ADGRD1: variants seen among roughly 807,000 people sequenced by gnomAD.
The protein encoded by ADGRD1 is G-protein coupled receptor 133.
ADGRD1 carries 77 observed loss-of-function variants against 113.4 expected under a neutral mutation model. The ratio of observed to expected loss-of-function variants is 0.68; its 90% confidence interval spans 0.57 to 0.82. The LOEUF (loss-of-function observed/expected upper bound fraction) is 0.82, where lower values mean the gene tolerates loss of function less well. ADGRD1 is among the 40% of genes least tolerant of loss of function. ADGRD1 has a pLI of 0.00. For missense variants in ADGRD1, 1,036 were observed against 1,139.1 expected (o/e 0.91, Z 1.30); for synonymous variants, 474 against 475.0 (o/e 1.00, Z 0.03).
chr12:130,999,332 C>A (rs967316097), intron 8 of ADGRD1, among the ~76,000 whole-genome samples: 1 of 152,226 alleles, frequency 6.6e-6, no homozygotes, highest in Admixed American at 6.5e-5. Flanking sequence ...GACCTCGTTC[C>A]TGTGTGACAC....
intron 13 of ADGRD1, among the ~76,000 whole-genome samples, chr12:131,030,936 C>G (rs554832141): frequency 5.4e-4 from 82 of 152,220 alleles, no homozygotes; most frequent in Admixed American, 1.5e-3. Flanking sequence ...ACAGCCACCT[C>G]TGTCACAATG....
intron 12 of ADGRD1, among the ~76,000 whole-genome samples, chr12:131,012,012 G>A (rs964137521): frequency 6.6e-6 from 1 of 152,196 alleles, no homozygotes; most frequent in Non-Finnish European, 1.5e-5. Context: ...TTCTGCGGTG[G>A]GGACTGAGCC....
At chr12:130,957,214 CCA>C (rs1869729116) in intron 2 of ADGRD1, 1 of 152,390 alleles carries the variant, frequency 6.6e-6, no homozygotes, top group African/African-American at 2.4e-5. Context: ...CCACACATAT[CCA>C]CGTGTCTACA....
chr12:131,044,907 C>G (rs915840102), intron 13 of ADGRD1, among the ~76,000 whole-genome samples: 2 of 152,244 alleles, frequency 1.3e-5, no homozygotes, highest in African/African-American at 4.8e-5. Context: ...GTGGCTGCGC[C>G]GCGGTTCGTG....
chr12:131,008,390 C>T (rs1159296124), intron 12 of ADGRD1, among the ~76,000 whole-genome samples: 7 of 152,344 alleles, frequency 4.6e-5, no homozygotes, highest in East Asian at 1.9e-4. Flanking sequence ...CTCATACATC[C>T]GCAGTGTGTT....
At chr12:131,042,230 C>T (rs1424965676) in intron 13 of ADGRD1, among the ~76,000 whole-genome samples, 1 of 152,212 alleles carries the variant, frequency 6.6e-6, no homozygotes, top group African/African-American at 2.4e-5. Flanking sequence ...AAGTGCTGAA[C>T]AGGCCAAACC....
intron 8 of ADGRD1, among the ~76,000 whole-genome samples, chr12:130,996,525 C>A (rs1232846652): frequency 8.5e-6 from 1 of 117,550 alleles, no homozygotes; most frequent in Non-Finnish European, 1.8e-5. Flanking sequence ...GCTGGCCGGG[C>A]GGGGGGCTGA....
Position 131,084,187 on chromosome 12 carries a change from C to T in ADGRD1, c.1548-353C>T, listed in dbSNP as rs1186731891. Among the ~76,000 whole-genome samples the T allele has an allele frequency of 2.6e-5, 4 of 152,198 alleles. No individual in the cohort carries two copies. Among genetic ancestry groups the T allele is most frequent in the Admixed American group, 1.3e-4 (2 of 15,284 alleles). On this transcript the variant is annotated intron_variant, in intron 14 of 24. Transcript: ENST00000261654. This position sits in a 1 kb window ranked among gnomAD's most constrained non-coding sequence, Gnocchi z 4.5. Reference sequence around the variant, plus strand: ...GTGGTCCCTGGCGTGTGCCGCTGCCCGTTCTCTAGGCGCAGGGCTGTGGGC... The same window carrying T: ...GTGGTCCCTGGCGTGTGCCGCTGCCTGTTCTCTAGGCGCAGGGCTGTGGGC...
At chr12:131,048,131 T>C (rs1328673212) in intron 13 of ADGRD1, among the ~76,000 whole-genome samples, 1 of 152,226 alleles carries the variant, frequency 6.6e-6, no homozygotes, top group Non-Finnish European at 1.5e-5. Context: ...CAGATGCTTG[T>C]CGGTCACAGA....
intron 13 of ADGRD1, among the ~76,000 whole-genome samples, chr12:131,068,899 C>T (rs1200474946): frequency 6.6e-6 from 1 of 152,250 alleles, no homozygotes; most frequent in Non-Finnish European, 1.5e-5. Context: ...ATAGGTATTG[C>T]TTTTCTGGAC....
In ADGRD1 at chr12:130,971,433, T is replaced by G. The variant is rs773489277; in HGVS notation, c.188-25T>G. ...TTAATCTCGGAAGGTTATTAACATATGATGTTGTCATTTTTCTTCCTTAGA... is the reference window on the plus strand; with the variant it reads ...TTAATCTCGGAAGGTTATTAACATAGGATGTTGTCATTTTTCTTCCTTAGA... On this transcript the variant is annotated intron_variant, in intron 3 of 24. Coordinates refer to ENST00000261654, the MANE Select transcript of ADGRD1 (RefSeq NM_198827.5). The surrounding 1 kb of genome is among the most constrained non-coding windows in gnomAD (Gnocchi z 4.2). The G allele has an allele frequency of 2.1e-5, 34 of 1,608,592 alleles. No individual in the cohort carries two copies. Among genetic ancestry groups the G allele is most frequent in the Non-Finnish European group, 2.8e-5 (33 of 1,176,136 alleles).
chr12:130,993,446 G>T (rs891194823), intron 8 of ADGRD1, among the ~76,000 whole-genome samples: 1 of 150,318 alleles, frequency 6.7e-6, no homozygotes. Flanking sequence ...GGATGACCAA[G>T]TGCTAATACT....
chr12:131,065,807 G>A (rs1171478767), intron 13 of ADGRD1, among the ~76,000 whole-genome samples: 5 of 152,198 alleles, frequency 3.3e-5, no homozygotes, highest in Non-Finnish European at 7.3e-5. Flanking sequence ...CATAAGGTAG[G>A]ATAAAAGTTG....
chr12:131,098,167 C>CCCACGGTGG (rs1373269108), intron 15 of ADGRD1, among the ~76,000 whole-genome samples: 2 of 133,576 alleles, frequency 1.5e-5, no homozygotes, highest in Non-Finnish European at 3.1e-5. Flanking sequence ...ACTTCCTTCT[C>CCCACGGTGG]CCGCAGTGGC....
chr12:131,034,532 G>A (rs1413510600), intron 13 of ADGRD1, among the ~76,000 whole-genome samples: 2 of 152,228 alleles, frequency 1.3e-5, no homozygotes, highest in Non-Finnish European at 2.9e-5. Context: ...TGGGGTGGAG[G>A]AAGGAAGGGA....
Position 131,085,312 on chromosome 12 carries a change from G to A in ADGRD1, c.1671+649G>A, listed in dbSNP as rs569884900. Among the ~76,000 whole-genome samples, 11 of 152,258 alleles carry A rather than the reference G, an allele frequency of 7.2e-5. No individual in the cohort carries two copies. The South Asian group carries it at 2.1e-3, about 29-fold the overall frequency. ...GGAAGCTGATGTCTTGAAGGCCTGGGGGCAGAATGTTCTAGGCCAGGAAAC... is the reference window on the plus strand; with the variant it reads ...GGAAGCTGATGTCTTGAAGGCCTGGAGGCAGAATGTTCTAGGCCAGGAAAC... On this transcript the variant is annotated intron_variant, in intron 15 of 24. Coordinates refer to ENST00000261654, the MANE Select transcript of ADGRD1 (RefSeq NM_198827.5).
chr12:131,080,431 GA>G lies in ADGRD1; in HGVS notation c.1547+3564del, dbSNP rs543118579. The stretch of plus-strand genomic sequence containing the variant: ...TTTGATGAAAGTCCCATGTGCACTT[GA>G]AAAAAAGTATATTCTTGGTGGAGTG... On this transcript the variant is annotated intron_variant, in intron 14 of 24. Coordinates refer to ENST00000261654, the MANE Select transcript of ADGRD1 (RefSeq NM_198827.5). 7.8e-3 allele frequency among the ~76,000 whole-genome samples: 1,186 copies of G among 151,860 alleles called. 18 individuals are homozygous for G. Among genetic ancestry groups the G allele is most frequent in the African/African-American group, 0.027 (1,128 of 41,428 alleles).
chr12:131,111,694 A>G (rs1216540630), intron 18 of ADGRD1, among the ~76,000 whole-genome samples: 1 of 151,146 alleles, frequency 6.6e-6, no homozygotes, highest in Non-Finnish European at 1.5e-5. Context: ...GCCACTTTGG[A>G]TCTATTTTGG....
intron 18 of ADGRD1, among the ~76,000 whole-genome samples, chr12:131,111,010 G>A (rs1331684605): frequency 6.6e-6 from 1 of 151,844 alleles, no homozygotes; most frequent in Non-Finnish European, 1.5e-5. Context: ...TTGAAGAATT[G>A]TTTTTCTGTT....
Sources: allele counts gnomAD v4.1 joint callset (sites outside exome capture counted in the v4.1 genomes callset), GRCh38; gene constraint gnomAD v4.1.1; non-coding constraint Gnocchi (gnomAD v3.1); transcripts MANE v1.5; gene names NCBI Gene and HGNC (gene_info 2026-07-23, HGNC 2026-07-21).